Variants in TRPM3 observed in about 807,000 individuals in gnomAD.
TRPM3 encodes long transient receptor potential channel 3.
In TRPM3, 77 loss-of-function variants were observed where a neutral mutation model predicts 181.2. The ratio of observed to expected loss-of-function variants is 0.42; its 90% CI spans 0.35 to 0.51. The LOEUF (loss-of-function observed/expected upper bound fraction) is 0.51, where lower values mean the gene tolerates loss of function less well. TRPM3 is among the 20% of genes least tolerant of loss of function. TRPM3 has a pLI of 0.01. For missense variants in TRPM3, 1,759 were observed against 2,196.7 expected, an observed-to-expected ratio of 0.80 and a Z score of 3.98; for synonymous variants, 745 against 796.4, an observed-to-expected ratio of 0.94 and a Z score of 1.09.
intron 1 of TRPM3, among the ~76,000 whole-genome samples, chr9:71,173,474 T>G (rs539899444): frequency 1.4e-3 from 213 of 152,334 alleles, no homozygotes; most frequent in African/African-American, 4.9e-3. Context: ...ATTTACCATA[T>G]ATGTCTTATA....
intron 22 of TRPM3, among the ~76,000 whole-genome samples, chr9:70,589,766 G>GATAACGCATTTTGAGAAGGAAA (rs2057795487): frequency 6.6e-6 from 1 of 152,176 alleles, no homozygotes. Flanking sequence ...GATTGCCTTA[G>GATAACGCATTTTGAGAAGGAAA]ATAACGCATT....
intron 1 of TRPM3, among the ~76,000 whole-genome samples, chr9:71,095,677 TGAACCCA>T (rs913258566): frequency 6.8e-6 from 1 of 147,368 alleles, no homozygotes; most frequent in Non-Finnish European, 1.5e-5. Flanking sequence ...GAGAATTGCT[TGAACCCA>T]GGAGGCAGAG....
chr9:70,821,920 A>T (rs1466033111), intron 6 of TRPM3, among the ~76,000 whole-genome samples: 1 of 152,186 alleles, frequency 6.6e-6, no homozygotes, highest in Non-Finnish European at 1.5e-5. Flanking sequence ...TGCTGCTTTA[A>T]ATTTACAACC....
intron 1 of TRPM3, among the ~76,000 whole-genome samples, chr9:71,341,444 G>A (rs1210095230): frequency 6.6e-6 from 1 of 152,070 alleles, no homozygotes; most frequent in South Asian, 2.1e-4. Context: ...CACTTCTGTG[G>A]TATCTTTTCC....
intron 1 of TRPM3, among the ~76,000 whole-genome samples, chr9:71,035,983 T>A (rs1256567274): frequency 2.2e-5 from 1 of 45,096 alleles, no homozygotes; most frequent in East Asian, 8.0e-4. Context: ...AAACATAGGC[T>A]TTTTTTTTTT....
At chr9:71,365,591 C>T (rs753648864) in intron 1 of TRPM3, among the ~76,000 whole-genome samples, 9 of 152,122 alleles carry the variant, frequency 5.9e-5, no homozygotes, top group Non-Finnish European at 1.3e-4. Flanking sequence ...CCTTGAATAG[C>T]TATTTTGTCA....
chr9:70,823,155 C>T (rs2093320523), intron 6 of TRPM3, among the ~76,000 whole-genome samples: 1 of 152,146 alleles, frequency 6.6e-6, no homozygotes. Context: ...CACACACATA[C>T]ACACACACGC....
At chr9:71,170,296 T>C (rs1485244545) in intron 1 of TRPM3, among the ~76,000 whole-genome samples, 1 of 152,130 alleles carries the variant, frequency 6.6e-6, no homozygotes, top group Non-Finnish European at 1.5e-5. Context: ...AATAAGATGC[T>C]TATGAAACAG....
chr9:71,056,591 T>A (rs939235896), intron 1 of TRPM3, among the ~76,000 whole-genome samples: 1 of 151,938 alleles, frequency 6.6e-6, no homozygotes, highest in African/African-American at 2.4e-5. Context: ...CTTATAAAAA[T>A]TATTAAGTTA....
intron 1 of TRPM3, among the ~76,000 whole-genome samples, chr9:71,131,527 G>A (rs1333614287): frequency 6.6e-6 from 1 of 152,164 alleles, no homozygotes; most frequent in Non-Finnish European, 1.5e-5. Flanking sequence ...AAAATTTGTT[G>A]ACTATAGAAT....
At chr9:70,780,411 G>C (rs916132257) in intron 7 of TRPM3, among the ~76,000 whole-genome samples, 8 of 151,980 alleles carry the variant, frequency 5.3e-5, no homozygotes, top group Non-Finnish European at 8.8e-5. Flanking sequence ...ATATAGATTT[G>C]TTTATATGAT....
chr9:70,917,767 T>G (rs2096615760), intron 1 of TRPM3, among the ~76,000 whole-genome samples: 1 of 151,106 alleles, frequency 6.6e-6, no homozygotes, highest in Admixed American at 6.6e-5. Flanking sequence ...AAACAAATAA[T>G]AAAGTGGTAG....
intron 1 of TRPM3, among the ~76,000 whole-genome samples, chr9:70,873,385 C>T (rs907755064): frequency 1.3e-5 from 2 of 152,094 alleles, no homozygotes; most frequent in East Asian, 3.9e-4. Context: ...CAGTCAGTGG[C>T]TCTCCATCCC....
At chr9:70,818,076 G>A (rs1373721877) in intron 6 of TRPM3, among the ~76,000 whole-genome samples, 1 of 152,118 alleles carries the variant, frequency 6.6e-6, no homozygotes, top group Non-Finnish European at 1.5e-5. Flanking sequence ...TAAATTTATT[G>A]AGGATGTCAG....
At chr9:70,780,797 A>G (rs2082286180) in intron 7 of TRPM3, among the ~76,000 whole-genome samples, 1 of 152,096 alleles carries the variant, frequency 6.6e-6, no homozygotes, top group Non-Finnish European at 1.5e-5. Flanking sequence ...TTAGACTTCT[A>G]TTTTCTTAAC....
chr9:71,166,572 C>T (rs2076551806), intron 1 of TRPM3, among the ~76,000 whole-genome samples: 1 of 152,022 alleles, frequency 6.6e-6, no homozygotes, highest in Non-Finnish European at 1.5e-5. Flanking sequence ...CAGGAATGAC[C>T]AGAGGTTACA....
chr9:71,027,931 G>C (rs762041708), intron 1 of TRPM3, among the ~76,000 whole-genome samples: 9 of 152,168 alleles, frequency 5.9e-5, no homozygotes, highest in Admixed American at 6.5e-5. Flanking sequence ...AACCTAGCTA[G>C]AGAGGCCAAC....
In TRPM3 at chr9:70,620,108, G is replaced by A. The variant is rs530661575; in HGVS notation, c.2097C>T (p.Asp699=). ...TGTGATTCAGCTCCTGGGAAATGTC[G>A]TCAACCATGTCGTTCTCAGAGGCCT... The part of the protein sequence containing the change: ...AHEASENDMV[D]DISQELNHNS... Residue 699 remains aspartate (D), a synonymous_variant, in exon 16 of 26, where the codon GAC becomes GAT. Transcript: ENST00000677713. The A allele has an allele frequency of 4.2e-5, 67 of 1,609,890 alleles. No individual in the cohort carries two copies. Among genetic ancestry groups the A allele is most frequent in the East Asian group, 1.3e-4 (6 of 44,734 alleles).
intron 1 of TRPM3, among the ~76,000 whole-genome samples, chr9:71,418,908 G>A (rs1198610672): frequency 1.0e-5 from 1 of 98,532 alleles, no homozygotes; most frequent in African/African-American, 2.9e-5. Flanking sequence ...ATGTGTGTGT[G>A]TATATATATG....
Sources: allele counts gnomAD v4.1 joint callset (sites outside exome capture counted in the v4.1 genomes callset), GRCh38; gene constraint gnomAD v4.1.1; transcripts MANE v1.5; gene names NCBI Gene and HGNC (gene_info 2026-07-23, HGNC 2026-07-21).